Variants in ABCA12 observed in about 807,000 individuals in gnomAD.
ABCA12 encodes ATP binding cassette subfamily A member 12.
In ABCA12, 156 loss-of-function variants were observed where a neutral mutation model predicts 293.5. The ratio of observed to expected loss-of-function variants is 0.53; its 90% CI spans 0.47 to 0.61. ABCA12 has a LOEUF of 0.61. Ranked by LOEUF, ABCA12 falls within the 20% of genes least tolerant of loss-of-function variation. The pLI, the probability that ABCA12 is intolerant of heterozygous loss-of-function variation, is 0.00. For missense variants in ABCA12, 2,797 were observed against 3,090.2 expected (o/e 0.91, Z 2.25); for synonymous variants, 1,063 against 1,108.0 (o/e 0.96, Z 0.81).
intron 2 of ABCA12, among the ~76,000 whole-genome samples, chr2:215,108,095 T>C (rs925438507): frequency 6.6e-6 from 1 of 152,182 alleles, no homozygotes; most frequent in East Asian, 1.9e-4. Context: ...GAGTTTCATT[T>C]AGAGGTGGAT....
chr2:215,112,950 A>T (rs188493304), intron 1 of ABCA12, among the ~76,000 whole-genome samples: 105 of 152,342 alleles, frequency 6.9e-4, no homozygotes, highest in African/African-American at 2.4e-3. Context: ...ATTCACAAGA[A>T]CATTAACTGT....
At chr2:214,992,301 G>A (rs1300405506) in intron 23 of ABCA12, among the ~76,000 whole-genome samples, 1 of 151,754 alleles carries the variant, frequency 6.6e-6, no homozygotes, top group African/African-American at 2.4e-5. Flanking sequence ...AAATTAGCCA[G>A]GAGTGGTGGC....
chr2:215,120,205 A>G (rs184222781), intron 1 of ABCA12, among the ~76,000 whole-genome samples: 5 of 152,300 alleles, frequency 3.3e-5, no homozygotes, highest in African/African-American at 1.2e-4. Flanking sequence ...CTCACTTATA[A>G]GTGAGAGTTA....
rs1699316057 is a variant in ABCA12, at chr2:214,968,571, T to TA, written c.5778+148dup. 3 of 719,526 alleles carry TA rather than the reference T, an allele frequency of 4.2e-6. No individual in the cohort carries two copies. The East Asian group carries it at 7.9e-5, about 19-fold the overall frequency. The allele number at this position is 719,526 out of a possible 1,614,324, so 44.6% of individuals were successfully genotyped here. ...TGTGTACATGCTTCCCTAGGGTACA[T>TA]ACACAGAATTGGAACCACTGTGCCC... On this transcript the variant is annotated intron_variant, in intron 38 of 52. Coordinates refer to ENST00000272895, the MANE Select transcript of ABCA12 (RefSeq NM_173076.3).
intron 22 of ABCA12, chr2:214,999,918 G>C (rs923918693): frequency 1.5e-6 from 1 of 669,074 alleles, no homozygotes; most frequent in African/African-American, 2.0e-5. Flanking sequence ...AATACCATCT[G>C]AATTGTATAT....
intron 35 of ABCA12, 28 bp from the exon 36 acceptor site, chr2:214,974,070 GGT>G: frequency 6.3e-7 from 1 of 1,580,206 alleles, no homozygotes; most frequent in African/African-American, 1.3e-5. Context: ...ATTGCTGTGA[GGT>G]GTGTATGTAT....
chr2:215,054,759 C>T, intron 3 of ABCA12, 95 bp from the exon 4 acceptor site: 1 of 923,048 alleles, frequency 1.1e-6, no homozygotes, highest in South Asian at 1.3e-5. Context: ...TGTCTGAGGA[C>T]TTTCAAATAT....
chr2:215,004,026 T>C (rs1384218470), intron 20 of ABCA12, among the ~76,000 whole-genome samples, 183 bp downstream of exon 20: 1 of 152,200 alleles, frequency 6.6e-6, no homozygotes, highest in African/African-American at 2.4e-5. Context: ...TCATGACTAC[T>C]TGTAATTGTA....
intron 52 of ABCA12, among the ~76,000 whole-genome samples, chr2:214,933,570 A>G (rs1361732233): frequency 6.6e-6 from 1 of 152,210 alleles, no homozygotes; most frequent in East Asian, 1.9e-4. Flanking sequence ...GGATGACCTA[A>G]TAAGTCTGTA....
intron 2 of ABCA12, among the ~76,000 whole-genome samples, chr2:215,102,263 T>A (rs1324511936): frequency 1.3e-5 from 2 of 152,176 alleles, no homozygotes; most frequent in Non-Finnish European, 2.9e-5. Context: ...AAAATAAAAC[T>A]AATTTAGTAA....
At chr2:215,053,922 A>T (rs1284691344) in intron 4 of ABCA12, among the ~76,000 whole-genome samples, 1 of 151,956 alleles carries the variant, frequency 6.6e-6, no homozygotes, top group East Asian at 1.9e-4. Context: ...TCTCAAGTCC[A>T]CTTGCAACTG....
At chr2:215,121,561 T>A (rs933716502) in intron 1 of ABCA12, among the ~76,000 whole-genome samples, 3 of 152,152 alleles carry the variant, frequency 2.0e-5, no homozygotes, top group African/African-American at 7.2e-5. Context: ...TTAGTTCCCA[T>A]GAGGAACCTT....
At chr2:215,089,572 C>A (rs1351112449) in intron 2 of ABCA12, among the ~76,000 whole-genome samples, 3 of 152,100 alleles carry the variant, frequency 2.0e-5, no homozygotes, top group Admixed American at 1.3e-4. Flanking sequence ...ATCTTTAGTG[C>A]CCTCTCTTTT....
chr2:215,031,877 C>G lies in ABCA12; in HGVS notation c.1005G>C (p.Thr335=), dbSNP rs750852160. The change falls in exon 9 of 53, where the codon ACG becomes ACC. Residue 335 remains threonine, a synonymous_variant. Transcript: ENST00000272895. Reference sequence around the variant, plus strand: ...GTCCATCATCCTCATTCCACACATGCGTTATATTATCGGAGTCACCTGAAG... The same window carrying G: ...GTCCATCATCCTCATTCCACACATGGGTTATATTATCGGAGTCACCTGAAG... ...SPAQGDSDNI[T]HVWNEDDGQT... 1.4e-5 allele frequency: 23 copies of G among 1,613,740 alleles called. No homozygotes were observed. Among genetic ancestry groups the G allele is most frequent in the Non-Finnish European group, 1.9e-5 (22 of 1,179,910 alleles).
chr2:215,055,576 A>G (rs1017721395), intron 3 of ABCA12, among the ~76,000 whole-genome samples: 8 of 152,080 alleles, frequency 5.3e-5, no homozygotes, highest in African/African-American at 1.7e-4. Context: ...ACCTTAAGGT[A>G]CGTAACAATG....
chr2:215,112,175 T>G (rs974035107), intron 1 of ABCA12, among the ~76,000 whole-genome samples: 1 of 152,062 alleles, frequency 6.6e-6, no homozygotes, highest in Non-Finnish European at 1.5e-5. Context: ...CCCATAAATA[T>G]TGTTGAAAAA....
chr2:214,963,938 A>AAAAC (rs1553521247), intron 39 of ABCA12, among the ~76,000 whole-genome samples: 3 of 151,302 alleles, frequency 2.0e-5, no homozygotes, highest in African/African-American at 7.3e-5. Context: ...AAAAAAAAAA[A>AAAAC]AAAAAAACTT....
intron 28 of ABCA12, among the ~76,000 whole-genome samples, chr2:214,984,356 A>C (rs959434552): frequency 1.3e-5 from 2 of 152,154 alleles, no homozygotes; most frequent in African/African-American, 4.8e-5. Flanking sequence ...TTGGCCTCCC[A>C]AAGTGCTGGG....
At chr2:214,987,055 G>A (rs758891880) in intron 27 of ABCA12, among the ~76,000 whole-genome samples, 4 of 152,102 alleles carry the variant, frequency 2.6e-5, no homozygotes, top group Non-Finnish European at 4.4e-5. Flanking sequence ...TGGTTGGGCA[G>A]GATGATACCA....
Sources: allele counts gnomAD v4.1 joint callset (sites outside exome capture counted in the v4.1 genomes callset), GRCh38; gene constraint gnomAD v4.1.1; transcripts MANE v1.5; gene names NCBI Gene and HGNC (gene_info 2026-07-23, HGNC 2026-07-21).